SH3KBP1: variants seen among roughly 807,000 people sequenced by gnomAD.
The protein encoded by SH3KBP1 is SH3 domain containing kinase binding protein 1, also known as SH3 domain-containing kinase-binding protein 1.
Under a neutral mutation model 50.1 loss-of-function variants are expected in SH3KBP1, and 8 were observed. The observed-to-expected ratio is 0.16, with a 90% CI of 0.09 to 0.29. The LOEUF (loss-of-function observed/expected upper bound fraction) is 0.29. Among genes scored for constraint, SH3KBP1 ranks in the 10% least tolerant of loss-of-function variants. The probability of loss-of-function intolerance (pLI) is 1.00; values close to 1 mark genes in which losing one functional copy is unlikely to be tolerated. For missense variants in SH3KBP1, 377 were observed against 535.2 expected, an observed-to-expected ratio of 0.70 and a Z score of 2.92; for synonymous variants, 227 against 218.6, an observed-to-expected ratio of 1.04 and a Z score of -0.34.
intron 3 of SH3KBP1, among the ~76,000 whole-genome samples, chrX:19,713,756 A>G (rs2063834356): frequency 9.0e-6 from 1 of 111,449 alleles, no homozygotes; most frequent in African/African-American, 3.3e-5. Flanking sequence ...TATACGACAC[A>G]TTGTTGTCAA....
chrX:19,727,480 G>T (rs1191031227), intron 3 of SH3KBP1, among the ~76,000 whole-genome samples: 1 of 112,217 alleles, frequency 8.9e-6, no homozygotes, highest in Non-Finnish European at 1.9e-5. Context: ...CCATGTTACA[G>T]CATGTGTCAT....
intron 2 of SH3KBP1, among the ~76,000 whole-genome samples, chrX:19,823,826 G>GT (rs1002572414): frequency 4.5e-5 from 5 of 110,499 alleles, no homozygotes; most frequent in South Asian, 7.7e-4. Context: ...ATTCTCTTTG[G>GT]TTTTTTTTGT....
At chrX:19,813,160 AAAGAAGAAGAAGAAG>A (rs370190945) in intron 2 of SH3KBP1, among the ~76,000 whole-genome samples, 2 of 104,572 alleles carry the variant, frequency 1.9e-5, no homozygotes, top group East Asian at 2.9e-4. Context: ...AAACAAAAAA[AAAGAAGAAGAAGAAG>A]AAGAAGAAGA....
intron 2 of SH3KBP1, among the ~76,000 whole-genome samples, chrX:19,831,520 G>A (rs1334669606): frequency 9.2e-6 from 1 of 108,549 alleles, no homozygotes; most frequent in Non-Finnish European, 1.9e-5. Flanking sequence ...GACCGGGTGT[G>A]GTGGCTCACA....
chrX:19,802,199 C>A (rs1416414031), intron 2 of SH3KBP1, among the ~76,000 whole-genome samples: 4 of 110,598 alleles, frequency 3.6e-5, no homozygotes, highest in Non-Finnish European at 5.7e-5. Context: ...TCGAGACCAG[C>A]CTGGCCAACA....
At chrX:19,680,799 T>C (rs1465263771) in intron 6 of SH3KBP1, among the ~76,000 whole-genome samples, 2 of 111,691 alleles carry the variant, frequency 1.8e-5, no homozygotes, top group Admixed American at 9.5e-5. Context: ...GGGGTGGAGA[T>C]AGTTTCAAAT....
chrX:19,567,544 A>AT (rs2065882586), intron 13 of SH3KBP1, among the ~76,000 whole-genome samples: 3 of 74,902 alleles, frequency 4.0e-5, no homozygotes, highest in African/African-American at 1.7e-4. Context: ...AAAAAAAAAA[A>AT]AAAAAAAAAA....
At chrX:19,737,656 G>A (rs751285444) in intron 3 of SH3KBP1, among the ~76,000 whole-genome samples, 4 of 111,669 alleles carry the variant, frequency 3.6e-5, no homozygotes, top group South Asian at 3.7e-4. Flanking sequence ...CTCTGGAATC[G>A]CAGGTTCCAT....
At chrX:19,690,689 C>T (rs565547147) in intron 5 of SH3KBP1, among the ~76,000 whole-genome samples, 43 of 112,551 alleles carry the variant, frequency 3.8e-4, no homozygotes, top group African/African-American at 1.4e-3. Context: ...GGACAACAGT[C>T]GTATCTGGAT....
At chrX:19,551,427 T>C (rs2065233954) in intron 13 of SH3KBP1, among the ~76,000 whole-genome samples, 1 of 110,632 alleles carries the variant, frequency 9.0e-6, no homozygotes, top group Non-Finnish European at 1.9e-5. Context: ...AGGGCAAAGA[T>C]TCCCCCTGCT....
intron 8 of SH3KBP1, among the ~76,000 whole-genome samples, chrX:19,614,175 T>G (rs754293327): frequency 8.9e-6 from 1 of 112,752 alleles, no homozygotes; most frequent in East Asian, 2.8e-4. Flanking sequence ...CCCCGGGGTG[T>G]GTCTGAGGAA....
chrX:19,758,282 C>G (rs753534931), intron 2 of SH3KBP1, among the ~76,000 whole-genome samples: 1 of 98,822 alleles, frequency 1.0e-5, no homozygotes, highest in East Asian at 3.2e-4. Flanking sequence ...GAACTGATAT[C>G]GCACCACTGA....
rs762049755 is a variant in SH3KBP1, at chrX:19,601,471, A to AAAAC, written c.1005+6463_1005+6466dup. ...CTGGCCCCAGAGATGTGATTTGGTA[A>AAAAC]AAACAAACAAACACAAACAGAAGTG... On this transcript the variant is annotated intron_variant, in intron 9 of 17. Coordinates refer to ENST00000397821, the MANE Select transcript of SH3KBP1 (RefSeq NM_031892.3). The AAAAC allele has an allele frequency of 2.7e-5, 3 of 111,889 alleles. No homozygotes were observed. The East Asian group carries it at 8.4e-4, about 31-fold the overall frequency. 9.2% of individuals were successfully genotyped at this position (111,889 alleles called of 1,213,427 possible).
At chrX:19,798,892 T>C (rs2066805820) in intron 2 of SH3KBP1, among the ~76,000 whole-genome samples, 1 of 112,128 alleles carries the variant, frequency 8.9e-6, no homozygotes, top group African/African-American at 3.2e-5. Context: ...AACAATCCAG[T>C]AGTCCTGCGA....
At chrX:19,880,255 G>A (rs1004209015) in intron 1 of SH3KBP1, among the ~76,000 whole-genome samples, 18 of 112,998 alleles carry the variant, frequency 1.6e-4, no homozygotes, top group Non-Finnish European at 3.7e-5. Context: ...AACATGCTCT[G>A]CCCAGGGGAC....
At chrX:19,713,936 T>C (rs950824170) in intron 3 of SH3KBP1, among the ~76,000 whole-genome samples, 1 of 112,045 alleles carries the variant, frequency 8.9e-6, no homozygotes, top group African/African-American at 3.2e-5. Flanking sequence ...TGCAATCAAC[T>C]TAAGTGTCCA....
At chrX:19,541,202 C>G (rs1331506074) in intron 16 of SH3KBP1, among the ~76,000 whole-genome samples, 1 of 112,367 alleles carries the variant, frequency 8.9e-6, no homozygotes, top group Admixed American at 9.4e-5. Context: ...CAGGCATGAG[C>G]CACCATGCCC....
At chrX:19,675,658 C>T (rs1489758046) in intron 6 of SH3KBP1, among the ~76,000 whole-genome samples, 1 of 111,680 alleles carries the variant, frequency 9.0e-6, no homozygotes, top group African/African-American at 3.3e-5. Context: ...CCTGCCTTGG[C>T]TGGGATTATA....
chrX:19,744,409 G>T (rs2064861797), intron 3 of SH3KBP1, among the ~76,000 whole-genome samples: 1 of 112,167 alleles, frequency 8.9e-6, no homozygotes, highest in South Asian at 3.7e-4. Flanking sequence ...AATACTGGTA[G>T]TCTTGACTGG....
Sources: gnomAD v4.1 joint callset for allele counts (sites outside exome capture counted in the v4.1 genomes callset) on GRCh38, gnomAD v4.1.1 for gene constraint, MANE v1.5 for transcripts, NCBI Gene and HGNC (gene_info 2026-07-23, HGNC 2026-07-21) for gene names.